WDFY1: variants seen among roughly 807,000 people sequenced by gnomAD.
WDFY1 encodes the protein WD repeat and FYVE domain-containing protein 1.
A neutral mutation model predicts 56.4 loss-of-function variants in WDFY1; 32 were observed. That is an observed-to-expected ratio of 0.57 (90% CI 0.43 to 0.76). The LOEUF (loss-of-function observed/expected upper bound fraction) is 0.76, where lower values mean the gene tolerates loss of function less well. WDFY1 is among the 30% of genes least tolerant of loss of function. The pLI is 0.00. For missense variants in WDFY1, 480 were observed against 545.7 expected, an observed-to-expected ratio of 0.88 and a Z score of 1.20; for synonymous variants, 192 against 197.3, an observed-to-expected ratio of 0.97 and a Z score of 0.23.
chr2:223,936,537 T>C (rs191692499), intron 1 of WDFY1, among the ~76,000 whole-genome samples: 16 of 152,232 alleles, frequency 1.1e-4, no homozygotes, highest in Admixed American at 8.5e-4. Context: ...GTTTAAAAGA[T>C]GATGAGGACA....
intron 2 of WDFY1, among the ~76,000 whole-genome samples, chr2:223,913,993 C>CTTTTTTTTTTT (rs386392770): frequency 2.0e-4 from 18 of 88,142 alleles, no homozygotes; most frequent in Non-Finnish European, 2.2e-4. Flanking sequence ...AATCAGTTAG[C>CTTTTTTTTTTT]TTTTTTTTTT....
intron 1 of WDFY1, among the ~76,000 whole-genome samples, chr2:223,935,147 A>G (rs1033923284): frequency 1.3e-5 from 2 of 152,164 alleles, no homozygotes; most frequent in African/African-American, 2.4e-5. Context: ...AAATGCCCCC[A>G]TCAATACTGG....
intron 3 of WDFY1, among the ~76,000 whole-genome samples, chr2:223,910,291 CTA>C (rs1472051594): frequency 6.6e-6 from 1 of 151,978 alleles, no homozygotes; most frequent in Non-Finnish European, 1.5e-5. Context: ...TAAAGCTAAA[CTA>C]TAAAACTCTC....
intron 1 of WDFY1, among the ~76,000 whole-genome samples, chr2:223,930,636 TG>T (rs1406410328): frequency 2.0e-5 from 3 of 152,218 alleles, no homozygotes; most frequent in Non-Finnish European, 4.4e-5. Flanking sequence ...GCCTTGAATA[TG>T]GGTTGGCTAG....
intron 1 of WDFY1, among the ~76,000 whole-genome samples, chr2:223,923,138 C>T (rs761738655): frequency 2.0e-5 from 3 of 152,182 alleles, no homozygotes; most frequent in African/African-American, 7.2e-5. Context: ...TGTCTTTACA[C>T]CTTCATCTGG....
At chr2:223,941,869 C>A (rs945321059) in intron 1 of WDFY1, among the ~76,000 whole-genome samples, 2 of 152,110 alleles carry the variant, frequency 1.3e-5, no homozygotes, top group African/African-American at 4.8e-5. Context: ...TGGCTAACAC[C>A]AAGAAAAAAC....
chr2:223,932,354 C>T (rs1479662487), intron 1 of WDFY1, among the ~76,000 whole-genome samples: 2 of 149,834 alleles, frequency 1.3e-5, no homozygotes, highest in Admixed American at 6.6e-5. Context: ...GATCTCCTGA[C>T]ATTGTGATTC....
At chr2:223,906,983 A>AT (rs1301046086) in intron 3 of WDFY1, among the ~76,000 whole-genome samples, 122 of 149,318 alleles carry the variant, frequency 8.2e-4, no homozygotes, top group African/African-American at 2.8e-3. Context: ...TATTATTATT[A>AT]TATTATTTTG....
intron 2 of WDFY1, among the ~76,000 whole-genome samples, chr2:223,914,011 T>TTG (rs1223773186): frequency 3.5e-5 from 5 of 144,304 alleles, no homozygotes; most frequent in Non-Finnish European, 7.6e-5. Flanking sequence ...TTTTTTTTTT[T>TTG]TTTTTGAGAT....
At chr2:223,926,856 C>T (rs572508456) in intron 1 of WDFY1, among the ~76,000 whole-genome samples, 3 of 151,970 alleles carry the variant, frequency 2.0e-5, no homozygotes, top group Non-Finnish European at 4.4e-5. Context: ...TTAGTAGAGC[C>T]GGGATTTTGC....
intron 5 of WDFY1, chr2:223,900,869 C>A: frequency 4.8e-6 from 1 of 207,746 alleles, no homozygotes; most frequent in Non-Finnish European, 9.5e-6. Flanking sequence ...TTGGGTTTTC[C>A]ACAATTTTGA....
At chr2:223,918,895 C>A (rs1693841144) in intron 1 of WDFY1, among the ~76,000 whole-genome samples, 1 of 152,170 alleles carries the variant, frequency 6.6e-6, no homozygotes, top group Admixed American at 6.5e-5. Context: ...AATCATTCCA[C>A]ACCACATCTC....
chr2:223,932,912 A>C (rs1694103603), intron 1 of WDFY1, among the ~76,000 whole-genome samples: 3 of 151,278 alleles, frequency 2.0e-5, no homozygotes, highest in Admixed American at 1.3e-4. Context: ...GGTTTCTATA[A>C]CATTAAGACG....
intron 1 of WDFY1, among the ~76,000 whole-genome samples, chr2:223,944,557 T>C (rs1689371333): frequency 1.6e-5 from 2 of 121,830 alleles, no homozygotes; most frequent in Non-Finnish European, 1.7e-5. Flanking sequence ...GCTGGAGAGG[T>C]GCGTTGGGGC....
rs1693542734 is a variant in WDFY1, at chr2:223,903,540, A to AAC, written c.335-2208_335-2207insGT. On this transcript the variant is annotated intron_variant, in intron 4 of 11. Transcript: ENST00000233055. ...TCTTTCTCAAAAAACAAAACAAAAC[A>AAC]AAAAAAAACCTTTGACAACCAAAAT... Among the ~76,000 whole-genome samples the AAC allele has an allele frequency of 4.2e-5, 6 of 141,544 alleles. No individual in the cohort carries two copies. In the South Asian group the frequency reaches 1.1e-3, roughly 26 times the overall value. 92.9% of individuals were successfully genotyped at this position (141,544 alleles called of 152,430 possible). A position where few individuals can be genotyped will look rare whatever the true frequency, so the allele number is the denominator to read the frequency against.
chr2:223,918,112 AACTG>A lies in WDFY1; in HGVS notation c.138-106_138-103del. 2.4e-6 allele frequency: 3 copies of A among 1,228,762 alleles called. No individual in the cohort carries two copies. The South Asian group carries it at 4.2e-5, about 17-fold the overall frequency. The allele number at this position is 1,228,762 out of a possible 1,614,324, so 76.1% of individuals were successfully genotyped here. On this transcript the variant is annotated intron_variant, in intron 1 of 11. Coordinates refer to ENST00000233055, the MANE Select transcript of WDFY1 (RefSeq NM_020830.5). ...TAAAATTTGTTTAACACTATTTCCT[AACTG>A]ACCTTATAAAACTAACTGGACAAAC... is the stretch of plus-strand genomic sequence containing the variant.
intron 6 of WDFY1, among the ~76,000 whole-genome samples, chr2:223,896,847 T>C (rs1693389918): frequency 6.6e-6 from 1 of 152,186 alleles, no homozygotes; most frequent in African/African-American, 2.4e-5. Context: ...CCATTTCAGT[T>C]AGAGGCTTAA....
intron 6 of WDFY1, 55 bp downstream of exon 6, chr2:223,898,903 G>T: frequency 7.4e-7 from 1 of 1,354,246 alleles, no homozygotes; most frequent in South Asian, 1.2e-5. Context: ...GTAGAGAACT[G>T]AATTTGGATG....
intron 6 of WDFY1, among the ~76,000 whole-genome samples, chr2:223,898,639 C>T (rs1314769701): frequency 6.6e-6 from 1 of 152,094 alleles, no homozygotes; most frequent in African/African-American, 2.4e-5. Flanking sequence ...CTCCTGGCCT[C>T]AAGTGGTACA....
Sources: allele counts gnomAD v4.1 joint callset (sites outside exome capture counted in the v4.1 genomes callset), GRCh38; gene constraint gnomAD v4.1.1; transcripts MANE v1.5; gene names NCBI Gene and HGNC (gene_info 2026-07-23, HGNC 2026-07-21).